Variants in RAI1 observed in about 807,000 individuals in gnomAD.
RAI1 encodes retinoic acid induced 1, also known as retinoic acid-induced protein 1.
RAI1 carries 9 observed loss-of-function variants against 123.8 expected under a neutral mutation model. The ratio of observed to expected loss-of-function variants is 0.07; its 90% confidence interval spans 0.04 to 0.13. RAI1 has a LOEUF of 0.13. Ranked by LOEUF, RAI1 falls within the 10% of genes least tolerant of loss-of-function variation. The pLI, the probability that RAI1 is intolerant of heterozygous loss-of-function variation, is 1.00. For missense variants in RAI1, 2,256 were observed against 2,545.8 expected, an observed-to-expected ratio of 0.89 and a Z score of 2.45; for synonymous variants, 1,231 against 1,127.3, an observed-to-expected ratio of 1.09 and a Z score of -1.84.
chr17:17,730,358 C>A (rs1916229227), intron 2 of RAI1, among the ~76,000 whole-genome samples: 1 of 152,198 alleles, frequency 6.6e-6, no homozygotes, highest in Admixed American at 6.5e-5. Context: ...CAGAGGCCAC[C>A]CACCCCTAGG....
chr17:17,736,254 C>T (rs1454532393), intron 2 of RAI1, among the ~76,000 whole-genome samples: 1 of 152,160 alleles, frequency 6.6e-6, no homozygotes, highest in Admixed American at 6.5e-5. Context: ...CTGGTTCATT[C>T]CTTCCCACCC....
chr17:17,724,406 CTTTTTT>C (rs771760855), intron 2 of RAI1, among the ~76,000 whole-genome samples: 12 of 103,758 alleles, frequency 1.2e-4, no homozygotes, highest in East Asian at 5.4e-4. Flanking sequence ...TCTTTCTTTC[CTTTTTT>C]TTTTTTTTTT....
chr17:17,716,621 T>C (rs1915722350), intron 1 of RAI1, among the ~76,000 whole-genome samples: 1 of 152,116 alleles, frequency 6.6e-6, no homozygotes, highest in South Asian at 2.1e-4. Context: ...GAGTGCACAT[T>C]GTATGGAGGG....
At chr17:17,783,100 G>T (rs1348638991) in intron 2 of RAI1, among the ~76,000 whole-genome samples, 1 of 89,594 alleles carries the variant, frequency 1.1e-5, no homozygotes, top group Non-Finnish European at 2.2e-5. Flanking sequence ...TCCCCGCGCA[G>T]GCGAGAGGGA....
At chr17:17,805,829 C>G (rs1310228479) in intron 4 of RAI1, among the ~76,000 whole-genome samples, 2 of 152,172 alleles carry the variant, frequency 1.3e-5, no homozygotes, top group African/African-American at 2.4e-5. Flanking sequence ...GCCGCACTCC[C>G]CATAATAGCT....
chr17:17,742,538 C>T (rs1454193132), intron 2 of RAI1, among the ~76,000 whole-genome samples: 3 of 152,222 alleles, frequency 2.0e-5, no homozygotes, highest in Non-Finnish European at 4.4e-5. Flanking sequence ...CCCACTCTCC[C>T]TAAGCTCTGG....
intron 4 of RAI1, chr17:17,804,171 G>A (rs2032551743): frequency 2.4e-6 from 1 of 416,292 alleles, no homozygotes; most frequent in Admixed American, 3.6e-5. Context: ...AGGCCTCAGA[G>A]AGAAAGGGGT....
chr17:17,809,877 T>G lies in RAI1; in HGVS notation c.5710-93T>G. 1.3e-6 allele frequency: 2 copies of G among 1,528,278 alleles called. No individual in the cohort carries two copies. Among genetic ancestry groups the G allele is most frequent in the South Asian group, 2.4e-5 (2 of 83,388 alleles). 94.7% of individuals were successfully genotyped at this position (1,528,278 alleles called of 1,614,324 possible). ...GCCGCGCTCTGGGGTCGCCTGGGTC[T>G]GGGGCTTAGGCGGGGGGCCCACACT... On this transcript the variant is annotated intron_variant, in intron 5 of 5. Coordinates refer to ENST00000353383, the MANE Select transcript of RAI1 (RefSeq NM_030665.4). This position sits in a 1 kb window ranked among gnomAD's most constrained non-coding sequence, Gnocchi z 4.9.
chr17:17,770,761 C>T (rs1042167535), intron 2 of RAI1: 3 of 152,328 alleles, frequency 2.0e-5, no homozygotes, highest in East Asian at 1.9e-4. Context: ...TCATTTTCCC[C>T]GTTGCTGCTG....
At position 17,809,349 on chromosome 17, in the gene RAI1, C is replaced by A; in HGVS notation, c.5660-41C>A. ...GACAAAACCCCACAGCTGTGGGGCC[C>A]CCACCCTGTCCTAACCACCGAAACT... is the stretch of plus-strand genomic sequence containing the variant. On this transcript the variant is annotated intron_variant, in intron 4 of 5. Coordinates refer to ENST00000353383, the MANE Select transcript of RAI1 (RefSeq NM_030665.4). The surrounding 1 kb of genome is among the most constrained non-coding windows in gnomAD (Gnocchi z 4.9). 6.4e-7 allele frequency: 1 copy of A among 1,567,530 alleles called. No individual in the cohort carries two copies. Among genetic ancestry groups the A allele is most frequent in the Non-Finnish European group, 8.8e-7 (1 of 1,137,942 alleles).
chr17:17,733,114 CAT>C (rs760194997), intron 2 of RAI1, among the ~76,000 whole-genome samples: 4 of 152,234 alleles, frequency 2.6e-5, no homozygotes, highest in Admixed American at 6.5e-5. Flanking sequence ...AGTTCCCACT[CAT>C]GTGCCAGCTG....
rs1159066427 is a variant in RAI1, at chr17:17,794,288, A to G, written c.1340A>G (p.Asn447Ser). 2.5e-6 allele frequency: 4 copies of G among 1,613,094 alleles called. No homozygotes were observed. In the Admixed American group the frequency reaches 6.7e-5, roughly 27 times the overall value. ...ALTSQVENIS[N>S]TVQQLLLSKA... is the part of the protein sequence containing the mutation. Reference sequence around the variant, plus strand: ...ACCTCACAGGTGGAGAACATCTCCAACACCGTCCAGCAGCTGCTGCTCTCC... The same window carrying G: ...ACCTCACAGGTGGAGAACATCTCCAGCACCGTCCAGCAGCTGCTGCTCTCC... The change falls in exon 3 of 6, where the codon AAC becomes AGC. Residue 447 changes from asparagine to serine, a missense_variant. Coordinates refer to ENST00000353383, the MANE Select transcript of RAI1 (RefSeq NM_030665.4).
intron 4 of RAI1, among the ~76,000 whole-genome samples, chr17:17,808,171 G>C (rs2032631917): frequency 6.6e-6 from 1 of 152,026 alleles, no homozygotes; most frequent in South Asian, 2.1e-4. Context: ...ACTAGAGACT[G>C]GGGGGTCCCT....
intron 1 of RAI1, among the ~76,000 whole-genome samples, chr17:17,700,939 G>T (rs949004452): frequency 1.3e-5 from 2 of 152,202 alleles, no homozygotes; most frequent in Admixed American, 1.3e-4. Flanking sequence ...CACATTACGT[G>T]CCAGGCGCTC....
intron 2 of RAI1, among the ~76,000 whole-genome samples, chr17:17,737,858 G>T (rs1224740784): frequency 6.6e-6 from 1 of 152,236 alleles, no homozygotes; most frequent in African/African-American, 2.4e-5. Flanking sequence ...AGCAGGCCTG[G>T]AGCCCCAGAG....
chr17:17,727,201 A>G (rs924602053), intron 2 of RAI1, among the ~76,000 whole-genome samples: 5 of 152,192 alleles, frequency 3.3e-5, no homozygotes, highest in Non-Finnish European at 7.4e-5. Context: ...CCCACAATCT[A>G]GAACCTTCCA....
At chr17:17,750,684 C>G (rs1414414608) in intron 2 of RAI1, among the ~76,000 whole-genome samples, 2 of 128,104 alleles carry the variant, frequency 1.6e-5, no homozygotes, top group South Asian at 4.8e-4. Context: ...CATTGTACTC[C>G]GTCTCAAAAA....
chr17:17,758,130 C>G (rs550973084), intron 2 of RAI1, among the ~76,000 whole-genome samples: 2 of 152,210 alleles, frequency 1.3e-5, no homozygotes, highest in African/African-American at 4.8e-5. Flanking sequence ...ATTCCCCCTC[C>G]GAGCGTTTTA....
In RAI1 at chr17:17,796,486, A is replaced by T; in HGVS notation, c.3538A>T (p.Asn1180Tyr). ...CCGTGCCACCAAGAAGCTCCTCGAC[A>T]ACAGCCACTTGCCCGCCACATTCAA... ...NCRATKKLLD[N>Y]SHLPATFKVS... Residue 1180 changes from asparagine to tyrosine, a missense_variant, in exon 3 of 6, where the codon AAC becomes TAC. Physicochemically the swap from Asn to Tyr is moderately radical, Grantham distance 143. Transcript: ENST00000353383. The surrounding 1 kb of genome is among the most constrained non-coding windows in gnomAD (Gnocchi z 5.8). 6.2e-7 allele frequency: 1 copy of T among 1,611,282 alleles called. No homozygotes were observed. Among genetic ancestry groups the T allele is most frequent in the Non-Finnish European group, 8.5e-7 (1 of 1,179,734 alleles).
Sources: gnomAD v4.1 joint callset for allele counts (sites outside exome capture counted in the v4.1 genomes callset) on GRCh38, gnomAD v4.1.1 for gene constraint, Gnocchi (gnomAD v3.1) non-coding constraint, MANE v1.5 for transcripts, NCBI Gene and HGNC (gene_info 2026-07-23, HGNC 2026-07-21) for gene names.